The following SLC2A9 variants were observed in gnomAD, a reference collection of about 807,000 sequenced individuals.
SLC2A9 encodes solute carrier family 2, facilitated glucose transporter member 9.
SLC2A9 carries 39 observed loss-of-function variants against 50.6 expected under a neutral mutation model. The observed-to-expected ratio is 0.77, with a 90% CI of 0.60 to 1.01. The LOEUF is 1.01. Ranked by LOEUF, SLC2A9 falls within the 50% of genes least tolerant of loss-of-function variation. The pLI is 0.00. For synonymous variants in SLC2A9, 324 were observed against 276.9 expected (o/e 1.17, Z -1.69); for missense variants, 686 against 677.6 (o/e 1.01, Z -0.14).
intron 3 of SLC2A9, among the ~76,000 whole-genome samples, chr4:9,818,315 C>T (rs1431864987): frequency 6.6e-6 from 1 of 152,206 alleles, no homozygotes; most frequent in Non-Finnish European, 1.5e-5. Context: ...AATCTTCTGG[C>T]TCAAGTTTTT....
At chr4:9,842,285 G>C (rs1236082663) in intron 10 of SLC2A9, among the ~76,000 whole-genome samples, 2 of 152,152 alleles carry the variant, frequency 1.3e-5, no homozygotes, top group African/African-American at 4.8e-5. Context: ...AGGTGTGTAG[G>C]TGCTGCTCAT....
chr4:9,965,173 G>C (rs181435538), intron 5 of SLC2A9, among the ~76,000 whole-genome samples: 195 of 152,314 alleles, frequency 1.3e-3, no homozygotes, highest in African/African-American at 4.5e-3. Context: ...GGCTTGGAGA[G>C]GTTAGCAACT....
chr4:9,798,047 G>C (rs946599642), downstream of SLC2A9, among the ~76,000 whole-genome samples: 13 of 152,210 alleles, frequency 8.5e-5, no homozygotes, highest in Non-Finnish European at 1.3e-4. Flanking sequence ...TTAGGAAAGA[G>C]AGCAGATGAG....
intron 5 of SLC2A9, among the ~76,000 whole-genome samples, chr4:9,976,194 A>C (rs896469263): frequency 2.0e-5 from 3 of 152,210 alleles, no homozygotes; most frequent in Admixed American, 2.0e-4. Flanking sequence ...CCCAAACTTG[A>C]GTATCTCTCA....
At chr4:9,839,198 G>T (rs970191268) in intron 10 of SLC2A9, among the ~76,000 whole-genome samples, 2 of 152,090 alleles carry the variant, frequency 1.3e-5, no homozygotes, top group Non-Finnish European at 2.9e-5. Context: ...CTTTTCAAAA[G>T]AAGACATACA....
intron 1 of SLC2A9, chr4:10,019,311 TC>T (rs1470881167): frequency 3.5e-6 from 2 of 567,528 alleles, no homozygotes; most frequent in East Asian, 5.8e-5. Context: ...TTGCGTTCCT[TC>T]CGGGTTGCGT....
chr4:10,007,496 AG>A lies in SLC2A9; in HGVS notation c.250-10556del, dbSNP rs1761000985. On this transcript the variant is annotated intron_variant, in intron 2 of 11. Coordinates refer to ENST00000264784, the MANE Select transcript of SLC2A9 (RefSeq NM_020041.3). Reference sequence around the variant, plus strand: ...TTTCCCCTCAGCCACCTTTGCAGTGAGGGGGCAGCCAAATGCTTGGGTTTAA... The same window carrying A: ...TTTCCCCTCAGCCACCTTTGCAGTGAGGGGCAGCCAAATGCTTGGGTTTAA... 2.0e-5 allele frequency among the ~76,000 whole-genome samples: 3 copies of A among 152,354 alleles called. No individual in the cohort carries two copies. In the South Asian group the frequency reaches 6.2e-4, roughly 32 times the overall value.
At chr4:9,790,552 C>G (rs1362750572) in intron 3 of SLC2A9, among the ~76,000 whole-genome samples, 1 of 152,112 alleles carries the variant, frequency 6.6e-6, no homozygotes, top group Admixed American at 6.6e-5. Context: ...GTATTCCAAC[C>G]AATGACATGG....
intron 1 of SLC2A9, chr4:10,035,052 A>C (rs1764054459): frequency 6.6e-6 from 1 of 152,182 alleles, no homozygotes; most frequent in Non-Finnish European, 1.5e-5. Flanking sequence ...TCCATCGCTG[A>C]TGTCTGAAAC....
intron 10 of SLC2A9, among the ~76,000 whole-genome samples, chr4:9,855,051 A>C (rs1031442786): frequency 2.6e-5 from 4 of 152,224 alleles, no homozygotes; most frequent in Non-Finnish European, 1.5e-5. Context: ...AACTAGAACC[A>C]GATAAGGCTG....
Position 9,856,682 on chromosome 4 carries a change from T to TGTTC in SLC2A9, c.1292-21675_1292-21674insGAAC, listed in dbSNP as rs540976402. Among the ~76,000 whole-genome samples the TGTTC allele has an allele frequency of 5.2e-3, 789 of 152,312 alleles. 2 individuals carry two copies. Among genetic ancestry groups the TGTTC allele is most frequent in the Non-Finnish European group, 8.4e-3 (573 of 68,028 alleles). ...GCATGTGTATGTTCATTGCAGCAAC[T>TGTTC]ATTCACAATAGCAAAGACATAGAGT... On this transcript the variant is annotated intron_variant, in intron 10 of 11. Transcript: ENST00000264784.
chr4:9,794,174 G>A (rs1720305785), downstream of SLC2A9, among the ~76,000 whole-genome samples: 1 of 149,842 alleles, frequency 6.7e-6, no homozygotes, highest in South Asian at 2.1e-4. Flanking sequence ...GTGATATGGA[G>A]TTTCACTCTT....
chr4:9,832,517 A>C (rs983099390), intron 11 of SLC2A9, among the ~76,000 whole-genome samples: 1 of 152,158 alleles, frequency 6.6e-6, no homozygotes, highest in African/African-American at 2.4e-5. Flanking sequence ...TCACACCTGC[A>C]ATGTTTCCCG....
In SLC2A9 at chr4:9,887,572, C is replaced by A. The variant is rs1250042178; in HGVS notation, c.1286G>T (p.Gly429Val). The change falls in exon 10 of 12, where the codon GGG becomes GTG. Residue 429 changes from glycine (G) to valine (V), a missense_variant. Gly to Val is a moderately radical substitution (Grantham distance 109). Coordinates refer to ENST00000264784, the MANE Select transcript of SLC2A9 (RefSeq NM_020041.3). Reference sequence around the variant, plus strand: ...GGGAGGGTGGGGTGCCTTACCTGGCCCACTGCAGAAAGAGGCGATGATGGC... The same window carrying A: ...GGGAGGGTGGGGTGCCTTACCTGGCACACTGCAGAAAGAGGCGATGATGGC... Reference protein sequence around the residue: ...ILAIIASFCSGPGGIPFILTG... With the variant: ...ILAIIASFCSVPGGIPFILTG... The A allele has an allele frequency of 3.8e-6, 6 of 1,563,502 alleles. No homozygotes were observed. The highest frequency in any genetic ancestry group is 5.2e-6 in the Non-Finnish European group (6 of 1,154,894).
At chr4:9,913,547 A>G (rs1280556794) in intron 7 of SLC2A9, among the ~76,000 whole-genome samples, 1 of 152,186 alleles carries the variant, frequency 6.6e-6, no homozygotes, top group Non-Finnish European at 1.5e-5. Context: ...TACTGTTTCC[A>G]GGGACCTCCT....
chr4:10,031,672 G>A (rs1158145956), intron 1 of SLC2A9, among the ~76,000 whole-genome samples: 3 of 152,224 alleles, frequency 2.0e-5, no homozygotes, highest in Non-Finnish European at 4.4e-5. Flanking sequence ...TGGAAAGTTA[G>A]TCCTAGCCAG....
rs966422013 is a variant in SLC2A9 at position 9,834,987 on chromosome 4, G to C, written c.1313C>G (p.Thr438Ser). Residue 438 changes from threonine to serine, a missense_variant, in exon 11 of 12, where the codon ACT (threonine) becomes AGT (serine). Thr to Ser is a moderately conservative substitution (Grantham distance 58, BLOSUM62 1). Coordinates refer to ENST00000264784, the MANE Select transcript of SLC2A9 (RefSeq NM_020041.3). ...CTGAGATTGCTGGAAGAACTCACCAGTCAAGATGAACGGGATGCCACCTGC... is the reference window on the plus strand; with the variant it reads ...CTGAGATTGCTGGAAGAACTCACCACTCAAGATGAACGGGATGCCACCTGC... ...SGPGGIPFIL[T>S]GEFFQQSQRP... 1.9e-6 allele frequency: 3 copies of C among 1,613,614 alleles called. No individual in the cohort carries two copies. The highest frequency in any genetic ancestry group is 2.7e-5 in the African/African-American group (2 of 74,906).
upstream of SLC2A9, chr4:10,025,768 G>A (rs1763728933): frequency 1.3e-6 from 1 of 766,054 alleles, no homozygotes; most frequent in South Asian, 1.6e-5. Context: ...ATAGAACTTG[G>A]CTTTCAGCTG....
At chr4:9,951,038 C>T (rs960102581) in intron 5 of SLC2A9, among the ~76,000 whole-genome samples, 1 of 152,098 alleles carries the variant, frequency 6.6e-6, no homozygotes, top group African/African-American at 2.4e-5. Flanking sequence ...GATACCTGTA[C>T]TCACATGTTT....
Sources: gnomAD v4.1 joint callset for allele counts (sites outside exome capture counted in the v4.1 genomes callset) on GRCh38, gnomAD v4.1.1 for gene constraint, MANE v1.5 for transcripts, NCBI Gene and HGNC (gene_info 2026-07-23, HGNC 2026-07-21) for gene names.